The following IPO11 variants were observed in gnomAD, a reference collection of about 807,000 sequenced individuals.
The protein encoded by IPO11 is importin-11.
In IPO11, 66 loss-of-function variants were observed where a neutral mutation model predicts 143.2. That is an observed-to-expected ratio of 0.46 (90% CI 0.38 to 0.57). IPO11 has a LOEUF of 0.57. IPO11 is among the 20% of genes least tolerant of loss of function. The pLI is 0.00. For missense variants in IPO11, 1,026 were observed against 1,141.0 expected (o/e 0.90, Z 1.45); for synonymous variants, 385 against 377.8 (o/e 1.02, Z -0.22).
rs1745242538 is a variant in IPO11 at position 62,458,529 on chromosome 5, G to GA, written c.516+6597dup. Among the ~76,000 whole-genome samples the GA allele has an allele frequency of 2.6e-5, 4 of 152,172 alleles. No individual in the cohort carries two copies. The South Asian group carries it at 8.3e-4, about 31-fold the overall frequency. ...TTGGCCAGGCTGGTCTCAAACTTCT[G>GA]ACCTCAAATGATCTGCCCGCCTTGA... On this transcript the variant is annotated intron_variant, in intron 5 of 29. Transcript: ENST00000325324.
At chr5:62,457,867 G>A (rs926387547) in intron 5 of IPO11, among the ~76,000 whole-genome samples, 2 of 152,158 alleles carry the variant, frequency 1.3e-5, no homozygotes, top group East Asian at 1.9e-4. Flanking sequence ...GATAAATGCC[G>A]GCCGGGCGCG....
intron 27 of IPO11, chr5:62,579,954 G>C: frequency 6.4e-7 from 1 of 1,551,266 alleles, no homozygotes; most frequent in Non-Finnish European, 8.7e-7. Flanking sequence ...CTGTCCTTGG[G>C]AGTGGTACCT....
chr5:62,450,276 CTA>C (rs1561315828), intron 4 of IPO11, among the ~76,000 whole-genome samples: 1 of 152,154 alleles, frequency 6.6e-6, no homozygotes, highest in Non-Finnish European at 1.5e-5. Context: ...GCAAATCTCT[CTA>C]TATAGTCACG....
At chr5:62,425,823 C>G (rs1027624753) in intron 1 of IPO11, among the ~76,000 whole-genome samples, 1 of 152,080 alleles carries the variant, frequency 6.6e-6, no homozygotes, top group African/African-American at 2.4e-5. Flanking sequence ...TAGGTGGAGC[C>G]TAATGGAAAG....
chr5:62,415,783 A>G (rs1051956588), intron 1 of IPO11, among the ~76,000 whole-genome samples: 2 of 151,990 alleles, frequency 1.3e-5, no homozygotes, highest in East Asian at 1.9e-4. Flanking sequence ...TTTACTCTTT[A>G]CTGGATAAAG....
At chr5:62,472,560 C>T (rs1461023198) in intron 7 of IPO11, among the ~76,000 whole-genome samples, 1 of 145,704 alleles carries the variant, frequency 6.9e-6, no homozygotes, top group Non-Finnish European at 1.5e-5. Context: ...GACAGTCTCA[C>T]TCTGTCGCGC....
intron 29 of IPO11, among the ~76,000 whole-genome samples, chr5:62,605,179 A>T (rs1745659638): frequency 6.6e-6 from 1 of 152,344 alleles, no homozygotes; most frequent in African/African-American, 2.4e-5. Flanking sequence ...TGAAAATTTG[A>T]TTCGCTTACT....
At chr5:62,490,857 G>A (rs980394912) in intron 15 of IPO11, among the ~76,000 whole-genome samples, 1 of 152,122 alleles carries the variant, frequency 6.6e-6, no homozygotes, top group Admixed American at 6.5e-5. Context: ...CCAGGTCCAA[G>A]CGATTCTTGT....
intron 27 of IPO11, chr5:62,575,857 A>C (rs1744296937): frequency 6.6e-6 from 1 of 152,172 alleles, no homozygotes; most frequent in African/African-American, 2.4e-5. Flanking sequence ...CCTCATTAAA[A>C]TTTATCTCCT....
intron 9 of IPO11, among the ~76,000 whole-genome samples, chr5:62,477,325 T>C (rs1422429191): frequency 1.3e-5 from 2 of 152,182 alleles, no homozygotes. Flanking sequence ...CTGCTTGCAC[T>C]AAAATAGGTA....
At chr5:62,487,122 A>G (rs1746434818) in intron 12 of IPO11, among the ~76,000 whole-genome samples, 2 of 152,212 alleles carry the variant, frequency 1.3e-5, no homozygotes, top group African/African-American at 4.8e-5. Context: ...GCAATGTGAA[A>G]TGATTCAGTA....
intron 15 of IPO11, among the ~76,000 whole-genome samples, chr5:62,490,513 C>T (rs1746566791): frequency 6.6e-6 from 1 of 151,996 alleles, no homozygotes; most frequent in Non-Finnish European, 1.5e-5. Context: ...GGATGTATGC[C>T]TAGTGTCAGA....
At chr5:62,517,155 G>A (rs372957565) in intron 20 of IPO11, among the ~76,000 whole-genome samples, 3 of 151,712 alleles carry the variant, frequency 2.0e-5, no homozygotes, top group Admixed American at 1.3e-4. Flanking sequence ...CCGAGATCGC[G>A]CCACTGCACT....
intron 8 of IPO11, among the ~76,000 whole-genome samples, chr5:62,476,085 C>T (rs1745947430): frequency 6.6e-6 from 1 of 152,186 alleles, no homozygotes; most frequent in African/African-American, 2.4e-5. Context: ...TAAGAATGTT[C>T]ATATTGTGTA....
intron 19 of IPO11, among the ~76,000 whole-genome samples, chr5:62,508,938 G>A (rs369374787): frequency 1.4e-4 from 21 of 152,254 alleles, no homozygotes; most frequent in African/African-American, 5.1e-4. Flanking sequence ...CATATACACC[G>A]TGGAATACTA....
intron 29 of IPO11, among the ~76,000 whole-genome samples, chr5:62,616,284 A>G (rs1746130403): frequency 6.6e-6 from 1 of 152,204 alleles, no homozygotes; most frequent in African/African-American, 2.4e-5. Context: ...GAGATCCCGT[A>G]GTAGGAAAAT....
intron 27 of IPO11, among the ~76,000 whole-genome samples, chr5:62,568,573 C>CAAAA (rs1744033901): frequency 1.9e-4 from 2 of 10,754 alleles, no homozygotes; most frequent in African/African-American, 2.4e-3. Context: ...GACTCTGTCT[C>CAAAA]CAAAAAAAAA....
intron 1 of IPO11, among the ~76,000 whole-genome samples, chr5:62,413,190 C>T (rs765280392): frequency 1.3e-5 from 2 of 152,190 alleles, no homozygotes; most frequent in African/African-American, 2.4e-5. Flanking sequence ...GTATGCTAGG[C>T]TGAGCAGAGG....
intron 24 of IPO11, among the ~76,000 whole-genome samples, chr5:62,538,486 T>A (rs1742812672): frequency 6.6e-6 from 1 of 152,112 alleles, no homozygotes; most frequent in Admixed American, 6.6e-5. Context: ...TGATAGTGAG[T>A]CCTCACGAGA....
Sources: gnomAD v4.1 joint callset for allele counts (sites outside exome capture counted in the v4.1 genomes callset) on GRCh38, gnomAD v4.1.1 for gene constraint, MANE v1.5 for transcripts, NCBI Gene and HGNC (gene_info 2026-07-23, HGNC 2026-07-21) for gene names.